Variants in FAM114A1 observed in about 807,000 individuals in gnomAD.
FAM114A1 encodes protein NOXP20.
FAM114A1 carries 62 observed loss-of-function variants against 64.3 expected under a neutral mutation model. The ratio of observed to expected loss-of-function variants is 0.96; its 90% confidence interval spans 0.79 to 1.19. FAM114A1 has a LOEUF of 1.19. FAM114A1 is among the 50% of genes most tolerant of loss of function. The probability of loss-of-function intolerance (pLI) is 0.00; values close to 1 mark genes in which losing one functional copy is unlikely to be tolerated. For synonymous variants in FAM114A1, 254 were observed against 251.1 expected, an observed-to-expected ratio of 1.01 and a Z score of -0.11; for missense variants, 645 against 676.3, an observed-to-expected ratio of 0.95 and a Z score of 0.51.
chr4:38,891,765 G>A lies in FAM114A1; in HGVS notation c.371G>A (p.Gly124Glu). The A allele has an allele frequency of 1.2e-6, 2 of 1,611,870 alleles. No individual in the cohort carries two copies. Among genetic ancestry groups the A allele is most frequent in the South Asian group, 2.2e-5 (2 of 90,678 alleles). ...CAGGCTGTGGATTCCCCTCCAAGTG[G>A]AGGAGGATGGGCAGGCTGGGGATCC... ...NYLAVDSPPS[G>E]GGWAGWGSWG... The change falls in exon 4 of 15, where the codon GGA (glycine) becomes GAA (glutamate). Residue 124 changes from glycine (G) to glutamate (E), a missense_variant. Physicochemically the swap from Gly to Glu is moderately conservative, Grantham distance 98. Transcript: ENST00000358869.
At chr4:38,911,168 G>A (rs988687882) in intron 7 of FAM114A1, among the ~76,000 whole-genome samples, 1 of 152,222 alleles carries the variant, frequency 6.6e-6, no homozygotes, top group African/African-American at 2.4e-5. Context: ...GCCCAGGAAG[G>A]CTGGGAGAAC....
chr4:38,920,575 A>G (rs1719492798), intron 8 of FAM114A1, among the ~76,000 whole-genome samples: 1 of 152,202 alleles, frequency 6.6e-6, no homozygotes, highest in South Asian at 2.1e-4. Context: ...GGGTGCCCCA[A>G]ATGGAAAACC....
intron 10 of FAM114A1, 97 bp from the exon 11 acceptor site, chr4:38,931,354 G>T: frequency 7.2e-7 from 1 of 1,396,754 alleles, no homozygotes; most frequent in Non-Finnish European, 9.6e-7. Flanking sequence ...ATCCATTCTT[G>T]AAGGCTTAGA....
intron 9 of FAM114A1, 24 bp downstream of exon 9, chr4:38,922,917 C>G (rs1339763155): frequency 1.3e-6 from 2 of 1,595,952 alleles, no homozygotes; most frequent in Non-Finnish European, 1.7e-6. Context: ...ACTTAAATAG[C>G]AAGACAAACT....
chr4:38,905,587 G>A lies in FAM114A1; in HGVS notation c.502G>A (p.Gly168Arg). ...TCTACGGATTCATGGTGTAAATTCT[G>A]GATCTTCTGAAGGAGCCCAACCAAA... ...ATLRIHGVNS[G>R]SSEGAQPNTE... The change falls in exon 5 of 15, where the codon GGA becomes AGA. Residue 168 changes from glycine (G) to arginine (R), a missense_variant. Physicochemically the swap from Gly to Arg is moderately radical, Grantham distance 125 (BLOSUM62 -2). Transcript: ENST00000358869. 6.2e-7 allele frequency: 1 copy of A among 1,614,148 alleles called. No homozygotes were observed. The highest frequency in any genetic ancestry group is 1.3e-5 in the African/African-American group (1 of 75,040).
chr4:38,934,496 C>T (rs1720919328), intron 12 of FAM114A1, among the ~76,000 whole-genome samples: 1 of 152,168 alleles, frequency 6.6e-6, no homozygotes, highest in Admixed American at 6.5e-5. Flanking sequence ...CTTACCTCTA[C>T]TGACTTTACT....
intron 10 of FAM114A1, among the ~76,000 whole-genome samples, chr4:38,931,088 A>T (rs980886580): frequency 3.9e-5 from 6 of 152,218 alleles, no homozygotes; most frequent in African/African-American, 1.4e-4. Context: ...ACATATTTTT[A>T]AAAATACTAT....
At chr4:38,940,603 C>T (rs1721511391) in intron 13 of FAM114A1, among the ~76,000 whole-genome samples, 1 of 152,202 alleles carries the variant, frequency 6.6e-6, no homozygotes. Context: ...GCCTACACAA[C>T]TCAACCTGCC....
chr4:38,914,420 G>A (rs368470563), intron 7 of FAM114A1, among the ~76,000 whole-genome samples: 1 of 152,008 alleles, frequency 6.6e-6, no homozygotes, highest in African/African-American at 2.4e-5. Flanking sequence ...ACAAAAATTA[G>A]CTGGGCATGG....
intron 13 of FAM114A1, among the ~76,000 whole-genome samples, chr4:38,939,931 C>G (rs1312330757): frequency 6.6e-6 from 1 of 150,718 alleles, no homozygotes; most frequent in Non-Finnish European, 1.5e-5. Flanking sequence ...CTCTGTCACC[C>G]AGGTTGGAGT....
At chr4:38,921,671 C>T (rs1226481298) in intron 8 of FAM114A1, among the ~76,000 whole-genome samples, 1 of 152,226 alleles carries the variant, frequency 6.6e-6, no homozygotes, top group East Asian at 1.9e-4. Context: ...GTGAAGCCCT[C>T]CCTGTGTGTA....
intron 7 of FAM114A1, among the ~76,000 whole-genome samples, chr4:38,913,715 A>G (rs773204557): frequency 2.0e-5 from 3 of 152,194 alleles, no homozygotes; most frequent in Non-Finnish European, 2.9e-5. Flanking sequence ...TAATTGCAGT[A>G]AGTATATGAT....
chr4:38,941,778 A>G lies in FAM114A1; in HGVS notation c.1590+757A>G, dbSNP rs76812455. On this transcript the variant is annotated intron_variant, in intron 14 of 14. Coordinates refer to ENST00000358869, the MANE Select transcript of FAM114A1 (RefSeq NM_138389.4). ...GAAGGCACAAGGTGTTAACAAGCTA[A>G]GTTTGAACATGGGCAATGCATATAT... Among the ~76,000 whole-genome samples, 760 of 152,352 alleles carry G rather than the reference A, an allele frequency of 5.0e-3. 4 individuals are homozygous for G. The highest frequency in any genetic ancestry group is 0.014 in the Middle Eastern group (4 of 294).
chr4:38,930,595 C>T (rs1286844413), intron 10 of FAM114A1, among the ~76,000 whole-genome samples: 1 of 152,146 alleles, frequency 6.6e-6, no homozygotes, highest in Non-Finnish European at 1.5e-5. Context: ...GGTTTTCTCT[C>T]CCCAGATCTT....
intron 7 of FAM114A1, among the ~76,000 whole-genome samples, chr4:38,910,868 G>C (rs959746586): frequency 8.5e-5 from 13 of 152,232 alleles, no homozygotes; most frequent in Non-Finnish European, 1.9e-4. Flanking sequence ...GTGATAGGGA[G>C]TAGGTGATAG....
At chr4:38,897,806 G>A (rs1717085792) in intron 4 of FAM114A1, among the ~76,000 whole-genome samples, 3 of 152,064 alleles carry the variant, frequency 2.0e-5, no homozygotes, top group Admixed American at 1.3e-4. Flanking sequence ...AATTAGCTGA[G>A]TGTGGTGACA....
At chr4:38,915,839 A>G (rs1308994207) in intron 8 of FAM114A1, among the ~76,000 whole-genome samples, 1 of 149,788 alleles carries the variant, frequency 6.7e-6, no homozygotes, top group Non-Finnish European at 1.5e-5. Flanking sequence ...CACTATTCTA[A>G]ATACCATAAA....
At chr4:38,881,037 T>C (rs979567988) in intron 3 of FAM114A1, among the ~76,000 whole-genome samples, 1 of 151,750 alleles carries the variant, frequency 6.6e-6, no homozygotes, top group Non-Finnish European at 1.5e-5. Context: ...ACACAAAAAT[T>C]AGCCAGGTGT....
chr4:38,912,573 A>G lies in FAM114A1; in HGVS notation c.793-2348A>G, dbSNP rs2381344. On this transcript the variant is annotated intron_variant, in intron 7 of 14. Transcript: ENST00000358869. ...AATTTTTTGAATTTTTAGTAGAGAC[A>G]GGGTTTCATCATATTGGCCAGGCTG... Among the ~76,000 whole-genome samples the G allele has an allele frequency of 4.1e-3, 616 of 151,802 alleles. 8 individuals carry two copies. Among genetic ancestry groups the G allele is most frequent in the Admixed American group, 0.018 (277 of 15,256 alleles).
Sources: gnomAD v4.1 joint callset for allele counts (sites outside exome capture counted in the v4.1 genomes callset) on GRCh38, gnomAD v4.1.1 for gene constraint, MANE v1.5 for transcripts, NCBI Gene and HGNC (gene_info 2026-07-23, HGNC 2026-07-21) for gene names.